LRRFIP1: variants seen among roughly 807,000 people sequenced by gnomAD.
The protein encoded by LRRFIP1 is LRR binding FLII interacting protein 1, also known as leucine-rich repeat flightless-interacting protein 1.
A neutral mutation model predicts 104.4 loss-of-function variants in LRRFIP1; 62 were observed. The observed-to-expected ratio is 0.59, with a 90% CI of 0.48 to 0.73. The LOEUF is 0.73. Ranked by LOEUF, LRRFIP1 falls within the 30% of genes least tolerant of loss-of-function variation. The pLI is 0.00. For missense variants in LRRFIP1, 796 were observed against 824.5 expected, an observed-to-expected ratio of 0.97 and a Z score of 0.42; for synonymous variants, 300 against 299.0, an observed-to-expected ratio of 1.00 and a Z score of -0.03.
Position 237,748,379 on chromosome 2 carries a change from GAA to G in LRRFIP1, c.653_654del (p.Lys218ArgfsTer4). On this transcript the variant is annotated frameshift_variant, in exon 12 of 24. Transcript: ENST00000308482. LOFTEE classifies it high-confidence loss of function. ...TCGTCTACAGGTAGAAGAGAGACCA[GAA>G]AAAGATTTTACTGAGAAGGTAAGGA... is the stretch of plus-strand genomic sequence containing the variant. ...RASPVVEERP[E>X]KDFTEKGSRN... The G allele has an allele frequency of 6.2e-7, 1 of 1,605,500 alleles. No individual in the cohort carries two copies. Among genetic ancestry groups the G allele is most frequent in the Non-Finnish European group, 8.5e-7 (1 of 1,177,200 alleles).
intron 8 of LRRFIP1, among the ~76,000 whole-genome samples, chr2:237,733,123 G>A (rs896365339): frequency 6.6e-6 from 1 of 152,162 alleles, no homozygotes; most frequent in Non-Finnish European, 1.5e-5. Flanking sequence ...TCCAGATTCT[G>A]TCCCGTGGCA....
At chr2:237,757,103 A>G (rs1455243218) in intron 16 of LRRFIP1, among the ~76,000 whole-genome samples, 1 of 152,246 alleles carries the variant, frequency 6.6e-6, no homozygotes, top group Non-Finnish European at 1.5e-5. Context: ...TCTGACCTCT[A>G]GAATTGCAAG....
chr2:237,739,846 C>T (rs1559742649), intron 11 of LRRFIP1, among the ~76,000 whole-genome samples: 5 of 152,048 alleles, frequency 3.3e-5, no homozygotes, highest in Admixed American at 2.0e-4. Context: ...TGTGTGTTTT[C>T]CCCTGGGTTG....
At chr2:237,745,374 T>C (rs375801480) in intron 11 of LRRFIP1, among the ~76,000 whole-genome samples, 1 of 152,242 alleles carries the variant, frequency 6.6e-6, no homozygotes, top group South Asian at 2.1e-4. Context: ...AAGAGCTTAA[T>C]TTTTAGTTTT....
chr2:237,680,089 T>A (rs1055745256), intron 1 of LRRFIP1, among the ~76,000 whole-genome samples: 3 of 152,128 alleles, frequency 2.0e-5, no homozygotes, highest in Non-Finnish European at 4.4e-5. Context: ...AAGACACGGA[T>A]CCATCCCCAA....
intron 20 of LRRFIP1, chr2:237,770,699 A>G (rs902154910): frequency 2.6e-5 from 4 of 152,568 alleles, no homozygotes; most frequent in African/African-American, 9.6e-5. Context: ...AGGCTGAGGC[A>G]GGAGAATCGC....
chr2:237,759,946 C>T (rs2059688061), intron 18 of LRRFIP1, 118 bp from the exon 19 acceptor site: 3 of 845,568 alleles, frequency 3.5e-6, no homozygotes, highest in African/African-American at 3.4e-5. Flanking sequence ...TCTCTTGTCT[C>T]TGTGGAGTTA....
intron 1 of LRRFIP1, among the ~76,000 whole-genome samples, chr2:237,629,856 C>T (rs2082103784): frequency 6.6e-6 from 1 of 152,180 alleles, no homozygotes. Flanking sequence ...CTCCCTCCCA[C>T]CGAGGGAGAT....
At position 237,772,011 on chromosome 2, in the gene LRRFIP1, C is replaced by T. The variant is rs553474052; in HGVS notation, c.1510-70C>T. The stretch of plus-strand genomic sequence containing the variant: ...GACATGCTGCTTCCTTTCTGATGGG[C>T]TCTAACTTCAGCTTTTCGGTCTCAT... On this transcript the variant is annotated intron_variant, in intron 20 of 23. Coordinates refer to ENST00000308482, the MANE Select transcript of LRRFIP1 (RefSeq NM_001137550.2). 10 of 1,073,244 alleles carry T rather than the reference C, an allele frequency of 9.3e-6. No individual in the cohort carries two copies. The African/African-American group carries it at 1.2e-4, about 13-fold the overall frequency. The allele number at this position is 1,073,244 out of a possible 1,614,324, so 66.5% of individuals were successfully genotyped here.
At chr2:237,641,095 T>C (rs1288657972) in intron 1 of LRRFIP1, among the ~76,000 whole-genome samples, 3 of 151,924 alleles carry the variant, frequency 2.0e-5, no homozygotes, top group Non-Finnish European at 2.9e-5. Flanking sequence ...GTTTCATCAA[T>C]AATATTCTTT....
chr2:237,742,892 G>A lies in LRRFIP1; in HGVS notation c.633+3583G>A, dbSNP rs181679631. On this transcript the variant is annotated intron_variant, in intron 11 of 23. Transcript: ENST00000308482. ...AGCAGGCAGTGCTCTGAGGCAGGGA[G>A]TTTCAGAACCCGGGTTCAGATGTCA... Among the ~76,000 whole-genome samples the A allele has an allele frequency of 5.0e-4, 76 of 152,244 alleles. No individual in the cohort carries two copies. The East Asian group carries it at 0.013, about 27-fold the overall frequency.
intron 1 of LRRFIP1, among the ~76,000 whole-genome samples, chr2:237,695,873 A>G (rs914757787): frequency 1.3e-5 from 2 of 152,144 alleles, no homozygotes; most frequent in African/African-American, 4.8e-5. Context: ...CAAATTAAAT[A>G]TTTTGACTAC....
intron 1 of LRRFIP1, chr2:237,692,355 C>T: frequency 7.8e-7 from 1 of 1,281,828 alleles, no homozygotes; most frequent in Non-Finnish European, 9.9e-7. Context: ...GTGGCTCCGT[C>T]TCCGCGGACA....
At chr2:237,779,350 G>C in intron 23 of LRRFIP1, 72 bp from the exon 24 acceptor site, 1 of 1,532,268 alleles carries the variant, frequency 6.5e-7, no homozygotes. Context: ...TTGGAATTTC[G>C]GTAACACAGA....
rs770331457 is a variant in LRRFIP1, at chr2:237,772,170, G to C, written c.1599G>C (p.Gly533=). Residue 533 remains glycine, a synonymous_variant, in exon 21 of 24, where the codon GGG becomes GGC. Coordinates refer to ENST00000308482, the MANE Select transcript of LRRFIP1 (RefSeq NM_001137550.2). ...CTGAAGATGATGTCTTGGAAAACGG[G>C]ACAGACATGCATGTAATGGACCTAC... ...LRSEDDVLEN[G]TDMHVMDLQR... 1 of 1,613,844 alleles carries C rather than the reference G, an allele frequency of 6.2e-7. No homozygotes were observed. Among genetic ancestry groups the C allele is most frequent in the South Asian group, 1.1e-5 (1 of 91,076 alleles).
chr2:237,724,520 T>C (rs1242159623), intron 7 of LRRFIP1, among the ~76,000 whole-genome samples: 2 of 151,786 alleles, frequency 1.3e-5, no homozygotes, highest in South Asian at 2.1e-4. Context: ...AGCTCGGGAG[T>C]CAGGACAGGG....
chr2:237,735,941 G>A lies in LRRFIP1; in HGVS notation c.555+608G>A, dbSNP rs114331416. Reference sequence around the variant, plus strand: ...TCCCAGGGACCTGTGGAAACGGAGCGTTCAGTGCTAACCGGTGCTCCCTGG... The same window carrying A: ...TCCCAGGGACCTGTGGAAACGGAGCATTCAGTGCTAACCGGTGCTCCCTGG... On this transcript the variant is annotated intron_variant, in intron 10 of 23. Coordinates refer to ENST00000308482, the MANE Select transcript of LRRFIP1 (RefSeq NM_001137550.2). This position sits in a 1 kb window ranked among gnomAD's most constrained non-coding sequence, Gnocchi z 4.6. Among the ~76,000 whole-genome samples, 1,405 of 152,316 alleles carry A rather than the reference G, an allele frequency of 9.2e-3. 18 individuals carry two copies. Among genetic ancestry groups the A allele is most frequent in the African/African-American group, 0.032 (1,328 of 41,560 alleles).
rs147473946 is a variant in LRRFIP1, at chr2:237,683,764, T to C, written c.97-24780T>C. Among the ~76,000 whole-genome samples, 4 of 152,350 alleles carry C rather than the reference T, an allele frequency of 2.6e-5. No homozygotes were observed. In the East Asian group the frequency reaches 5.8e-4, roughly 22 times the overall value. ...GATGCTGTTTTAGGATTTCTGTACC[T>C]TCAGCTGGAAGGATGCTCACCGTTC... On this transcript the variant is annotated intron_variant, in intron 1 of 23. Coordinates refer to ENST00000308482, the MANE Select transcript of LRRFIP1 (RefSeq NM_001137550.2).
intron 1 of LRRFIP1, among the ~76,000 whole-genome samples, chr2:237,675,786 C>T (rs1023220143): frequency 1.3e-5 from 2 of 152,146 alleles, no homozygotes; most frequent in Non-Finnish European, 2.9e-5. Flanking sequence ...TGATGTATTT[C>T]CTTAGGGCCT....
Sources: allele counts gnomAD v4.1 joint callset (sites outside exome capture counted in the v4.1 genomes callset), GRCh38; gene constraint gnomAD v4.1.1; non-coding constraint Gnocchi (gnomAD v3.1); transcripts MANE v1.5; gene names NCBI Gene and HGNC (gene_info 2026-07-23, HGNC 2026-07-21).